FAR2: variants seen among roughly 807,000 people sequenced by gnomAD.
FAR2 encodes the protein epididymis secretory protein Li 81.
FAR2 carries 19 observed loss-of-function variants against 56.0 expected under a neutral mutation model. That is an observed-to-expected ratio of 0.34 (90% CI 0.24 to 0.50). The LOEUF (loss-of-function observed/expected upper bound fraction) is 0.50. Ranked by LOEUF, FAR2 falls within the 20% of genes least tolerant of loss-of-function variation. The pLI, the probability that FAR2 is intolerant of heterozygous loss-of-function variation, is 0.98. For synonymous variants in FAR2, 219 were observed against 218.8 expected, an observed-to-expected ratio of 1.00 and a Z score of -0.01; for missense variants, 508 against 642.2, an observed-to-expected ratio of 0.79 and a Z score of 2.26.
At chr12:29,195,628 A>G (rs1950137779) in intron 1 of FAR2, among the ~76,000 whole-genome samples, 1 of 152,208 alleles carries the variant, frequency 6.6e-6, no homozygotes, top group Non-Finnish European at 1.5e-5. Context: ...CATTTGAAAA[A>G]CAACTGCAAA....
intron 1 of FAR2, among the ~76,000 whole-genome samples, chr12:29,215,621 A>G (rs1478867733): frequency 6.6e-6 from 1 of 152,218 alleles, no homozygotes; most frequent in Non-Finnish European, 1.5e-5. Flanking sequence ...GTCTTTGAGG[A>G]TGTCTGTAAT....
chr12:29,294,115 T>C (rs1048431079), intron 3 of FAR2, among the ~76,000 whole-genome samples: 1 of 152,178 alleles, frequency 6.6e-6, no homozygotes, highest in African/African-American at 2.4e-5. Flanking sequence ...ATTTTTACAG[T>C]CACAAAATAA....
intron 1 of FAR2, among the ~76,000 whole-genome samples, chr12:29,241,365 G>A (rs1156752592): frequency 6.6e-6 from 1 of 152,060 alleles, no homozygotes; most frequent in East Asian, 1.9e-4. Flanking sequence ...TCAAGAAAGT[G>A]AAAGAGGAAT....
At chr12:29,157,142 A>ATG (rs1555176832) in intron 1 of FAR2, among the ~76,000 whole-genome samples, 4 of 137,780 alleles carry the variant, frequency 2.9e-5, no homozygotes, top group African/African-American at 1.1e-4. Flanking sequence ...ATATATATAT[A>ATG]TATGTATCAA....
rs191499709 is a variant in FAR2, at chr12:29,252,995, A to G, written c.-38-17417A>G. 7.4e-4 allele frequency among the ~76,000 whole-genome samples: 113 copies of G among 152,242 alleles called. 1 individual carries two copies. The highest frequency in any genetic ancestry group is 6.8e-3 in the Middle Eastern group (2 of 294). The stretch of plus-strand genomic sequence containing the variant: ...CCTCATCCAATCTGTTGAAAGCCGT[A>G]TGGAACAAAGACTCATCTTCCCAGA... On this transcript the variant is annotated intron_variant, in intron 1 of 11. Transcript: ENST00000536681.
intron 1 of FAR2, among the ~76,000 whole-genome samples, chr12:29,256,599 C>T (rs1402179792): frequency 6.6e-6 from 1 of 152,212 alleles, no homozygotes; most frequent in Non-Finnish European, 1.5e-5. Context: ...TCTGGGCTGG[C>T]CAAGGCCAGA....
intron 1 of FAR2, among the ~76,000 whole-genome samples, chr12:29,179,013 TC>T (rs1258342398): frequency 6.6e-6 from 1 of 152,160 alleles, no homozygotes; most frequent in African/African-American, 2.4e-5. Context: ...TAGATGGCCA[TC>T]TTTTTCCTGT....
Position 29,307,715 on chromosome 12 carries a change from C to G in FAR2, c.603C>G (p.Pro201=). Residue 201 remains proline, a synonymous_variant, in exon 5 of 12, where the codon CCC becomes CCG. Coordinates refer to ENST00000536681, the MANE Select transcript of FAR2 (RefSeq NM_001271783.2). ...CACCCAAGCTGATCAGAGATTGGCCCAATATTTATACCTACACCAAGGCCT... is the reference window on the plus strand; with the variant it reads ...CACCCAAGCTGATCAGAGATTGGCCGAATATTTATACCTACACCAAGGCCT... ...EITPKLIRDW[P]NIYTYTKALG... 1 of 1,613,818 alleles carries G rather than the reference C, an allele frequency of 6.2e-7. No individual in the cohort carries two copies. Among genetic ancestry groups the G allele is most frequent in the East Asian group, 2.2e-5 (1 of 44,864 alleles).
chr12:29,240,042 T>C (rs371885962), intron 1 of FAR2, among the ~76,000 whole-genome samples: 1 of 152,342 alleles, frequency 6.6e-6, no homozygotes, highest in African/African-American at 2.4e-5. Flanking sequence ...AGCCTTCACA[T>C]CTTCCATCGT....
intron 1 of FAR2, among the ~76,000 whole-genome samples, chr12:29,185,818 C>T (rs1388501562): frequency 1.3e-5 from 2 of 152,120 alleles, no homozygotes; most frequent in South Asian, 2.1e-4. Flanking sequence ...AAACATACTG[C>T]AATACAAGGG....
intron 1 of FAR2, among the ~76,000 whole-genome samples, chr12:29,255,447 G>A (rs10843367): frequency 0.31 from 47,285 of 152,044 alleles, 7,706 homozygotes; most frequent in Non-Finnish European, 0.37. Context: ...ATTTTAGGGA[G>A]ACACAGTTAA....
intron 9 of FAR2, 84 bp downstream of exon 9, chr12:29,317,096 G>A: frequency 7.2e-7 from 1 of 1,388,672 alleles, no homozygotes; most frequent in East Asian, 2.3e-5. Context: ...CTTCAGCCGA[G>A]GATTAAAGGA....
At chr12:29,332,772 C>T (rs1442292807) in intron 11 of FAR2, 45 bp downstream of exon 11, 8 of 1,545,608 alleles carry the variant, frequency 5.2e-6, no homozygotes, top group Non-Finnish European at 6.2e-6. Context: ...ACCTACTGTG[C>T]ATCGACTTTA....
In FAR2 at chr12:29,318,936, T is replaced by C. The variant is rs543311575; in HGVS notation, c.1127+1924T>C. 6.6e-5 allele frequency among the ~76,000 whole-genome samples: 10 copies of C among 152,250 alleles called. No homozygotes were observed. The East Asian group carries it at 1.9e-3, about 29-fold the overall frequency. On this transcript the variant is annotated intron_variant, in intron 9 of 11. Coordinates refer to ENST00000536681, the MANE Select transcript of FAR2 (RefSeq NM_001271783.2). ...CCCTCCCTAAGGAAGAGACTGTCAATTGGCACTACCACAACAGTGTATGAA... is the reference window on the plus strand; with the variant it reads ...CCCTCCCTAAGGAAGAGACTGTCAACTGGCACTACCACAACAGTGTATGAA...
intron 2 of FAR2, among the ~76,000 whole-genome samples, chr12:29,276,845 T>TTA (rs140259257): frequency 0.3 from 44,570 of 149,204 alleles, 6,723 homozygotes; most frequent in East Asian, 0.35. Flanking sequence ...CCTCTAGATT[T>TTA]TATATATATA....
At chr12:29,312,032 G>A in intron 8 of FAR2, 82 bp downstream of exon 8, 1 of 973,790 alleles carries the variant, frequency 1.0e-6, no homozygotes, top group Admixed American at 2.3e-5. Flanking sequence ...ATGGAGCTTA[G>A]AGCTTATATG....
In FAR2 at chr12:29,308,705, C is replaced by CATATAT. The variant is rs1489134888; in HGVS notation, c.724-480_724-479insTATATA. Among the ~76,000 whole-genome samples, 184 of 132,564 alleles carry CATATAT rather than the reference C, an allele frequency of 1.4e-3. 3 individuals carry two copies. Among genetic ancestry groups the CATATAT allele is most frequent in the African/African-American group, 6.2e-3 (175 of 28,174 alleles). 87.0% of individuals were successfully genotyped at this position (132,564 alleles called of 152,430 possible). On this transcript the variant is annotated intron_variant, in intron 5 of 11. Coordinates refer to ENST00000536681, the MANE Select transcript of FAR2 (RefSeq NM_001271783.2). ...AGACACACAGACACACACACACACA[C>CATATAT]ACACACACACACACATATATATATA...
At chr12:29,240,206 A>G (rs1378728447) in intron 1 of FAR2, among the ~76,000 whole-genome samples, 3 of 152,218 alleles carry the variant, frequency 2.0e-5, no homozygotes, top group East Asian at 3.8e-4. Context: ...GTTGGAGTCA[A>G]CCTTCCCTTT....
At chr12:29,320,843 A>G (rs923312908) in intron 9 of FAR2, among the ~76,000 whole-genome samples, 1 of 152,170 alleles carries the variant, frequency 6.6e-6, no homozygotes, top group Non-Finnish European at 1.5e-5. Flanking sequence ...CCTGACCACA[A>G]GATTGGACAG....
Sources: gnomAD v4.1 joint callset for allele counts (sites outside exome capture counted in the v4.1 genomes callset) on GRCh38, gnomAD v4.1.1 for gene constraint, MANE v1.5 for transcripts, NCBI Gene and HGNC (gene_info 2026-07-23, HGNC 2026-07-21) for gene names.